SETD1B: variants seen among roughly 807,000 people sequenced by gnomAD.
SETD1B encodes histone-lysine N-methyltransferase SETD1B.
SETD1B carries 7 observed loss-of-function variants against 148.0 expected under a neutral mutation model. That is an observed-to-expected ratio of 0.05 (90% confidence interval 0.03 to 0.09). SETD1B has a LOEUF of 0.09. SETD1B is among the 10% of genes least tolerant of loss of function. The pLI is 1.00. For synonymous variants in SETD1B, 1,361 were observed against 1,186.5 expected (o/e 1.15, Z -3.02); for missense variants, 2,155 against 2,729.9 (o/e 0.79, Z 4.69).
Position 121,810,448 on chromosome 12 carries a change from G to T in SETD1B, c.1503G>T (p.Ser501=), listed in dbSNP as rs962039246. 2 of 1,548,988 alleles carry T rather than the reference G, an allele frequency of 1.3e-6. No individual in the cohort carries two copies. Among genetic ancestry groups the T allele is most frequent in the African/African-American group, 2.7e-5 (2 of 73,046 alleles). ...AGAAACCCCACGACAGCCTGGACTC[G>T]CGCATCGAGATGCTGCTGAAGGAGC... ...GPEKPHDSLD[S]RIEMLLKEQR... is the part of the protein sequence containing the mutation. The change falls in exon 6 of 17, where the codon TCG becomes TCT. Residue 501 remains serine (S), a synonymous_variant. Transcript: ENST00000604567. The surrounding 1 kb of genome is among the most constrained non-coding windows in gnomAD (Gnocchi z 7.6).
chr12:121,815,823 CTTTTTTTTTT>C (rs994063316), intron 7 of SETD1B, among the ~76,000 whole-genome samples: 2 of 118,156 alleles, frequency 1.7e-5, no homozygotes, highest in East Asian at 4.7e-4. Flanking sequence ...TCTTTTCTTT[CTTTTTTTTTT>C]TTTTTTTTTT....
rs375243812 is a variant in SETD1B at position 121,828,043 on chromosome 12, C to T, written c.5700C>T (p.Phe1900=). Residue 1900 remains phenylalanine (F), a synonymous_variant, in exon 16 of 17, where the codon TTC becomes TTT. Coordinates refer to ENST00000604567, the MANE Select transcript of SETD1B (RefSeq NM_001353345.2). ...TIIDATKCGN[F]ARFINHSCNP... is the part of the protein sequence containing the mutation. ...TCGACGCCACCAAGTGCGGCAACTT[C>T]GCGCGCTTCATCAACCACAGCTGCA... The T allele has an allele frequency of 4.6e-5, 71 of 1,552,146 alleles. No individual in the cohort carries two copies. The highest frequency in any genetic ancestry group is 5.8e-5 in the Non-Finnish European group (66 of 1,147,218).
rs527468463 is a variant in SETD1B at position 121,817,009 on chromosome 12, G to A, written c.2716-24G>A. The A allele has an allele frequency of 1.3e-4, 198 of 1,477,268 alleles. No individual in the cohort carries two copies. In the African/African-American group the frequency reaches 2.5e-3, roughly 19 times the overall value. The allele number at this position is 1,477,268 out of a possible 1,614,324, so 91.5% of individuals were successfully genotyped here. A position where few individuals can be genotyped will look rare whatever the true frequency, so the allele number is the denominator to read the frequency against. On this transcript the variant is annotated intron_variant, in intron 7 of 16. Transcript: ENST00000604567. This position sits in a 1 kb window ranked among gnomAD's most constrained non-coding sequence, Gnocchi z 8.1. ...GGTTGGTGGTGCCAGAAGCGGTGAC[G>A]GTCCCCTCCTGTCTCCACCCCAGGC...
chr12:121,811,046 G>T (rs1357223877), intron 6 of SETD1B, among the ~76,000 whole-genome samples: 1 of 152,260 alleles, frequency 6.6e-6, no homozygotes, highest in Non-Finnish European at 1.5e-5. Flanking sequence ...GAGCTCCCTA[G>T]CAGCCGTGGA....
chr12:121,805,857 C>T lies in SETD1B; in HGVS notation c.296C>T (p.Pro99Leu). 6.4e-7 allele frequency: 1 copy of T among 1,551,538 alleles called. No homozygotes were observed. Among genetic ancestry groups the T allele is most frequent in the Non-Finnish European group, 8.7e-7 (1 of 1,146,956 alleles). ...CAGATCGATGAGTTCTACGTGGGCC[C>T]GGTGCCTCCGAAGCAGGTGACATTT... ...KFKIDEFYVG[P>L]VPPKQVTFAK... Residue 99 changes from proline to leucine, a missense_variant, in exon 4 of 17, where the codon CCG (proline) becomes CTG (leucine). This residue lies in a region of SETD1B where 124 missense variants were observed against 282.9 expected (regional missense o/e 0.44). Coordinates refer to ENST00000604567, the MANE Select transcript of SETD1B (RefSeq NM_001353345.2). This position sits in a 1 kb window ranked among gnomAD's most constrained non-coding sequence, Gnocchi z 4.2.
At position 121,810,786 on chromosome 12, in the gene SETD1B, C is replaced by T; in HGVS notation, c.1841C>T (p.Ala614Val). Residue 614 changes from alanine (A) to valine (V), a missense_variant, in exon 6 of 17, where the codon GCC becomes GTC. Physicochemically the swap from Ala to Val is moderately conservative, Grantham distance 64. This residue lies in a region of SETD1B where 295 missense variants were observed against 303.8 expected (regional missense o/e 0.97). Coordinates refer to ENST00000604567, the MANE Select transcript of SETD1B (RefSeq NM_001353345.2). This position sits in a 1 kb window ranked among gnomAD's most constrained non-coding sequence, Gnocchi z 7.6. ...AGLLSQTAEV[A>V]LDLVGDRTPT... ...CTTCTGAGCCAGACAGCTGAGGTGG[C>T]CTTGGACCTGGTTGGAGACAGAACC... 1.3e-6 allele frequency: 2 copies of T among 1,539,020 alleles called. No individual in the cohort carries two copies. Among genetic ancestry groups the T allele is most frequent in the South Asian group, 1.2e-5 (1 of 83,268 alleles).
Position 121,814,387 on chromosome 12 carries a change from A to C in SETD1B, c.2172A>C (p.Thr724=). 1 of 1,146,394 alleles carries C rather than the reference A, an allele frequency of 8.7e-7. No individual in the cohort carries two copies. The highest frequency in any genetic ancestry group is 1.2e-6 in the Non-Finnish European group (1 of 857,280). The allele number at this position is 1,146,394 out of a possible 1,614,324, so 71.0% of individuals were successfully genotyped here. The change falls in exon 7 of 17, where the codon ACA becomes ACC. Residue 724 remains threonine (T), a synonymous_variant. Transcript: ENST00000604567. ...PPPPPAHPAV[T]VPPPPLPAPP... The stretch of plus-strand genomic sequence containing the variant: ...CCCCTCCAGCCCACCCTGCTGTGAC[A>C]GTGCCCCCACCACCCTTGCCAGCGC...
At position 121,817,807 on chromosome 12, in the gene SETD1B, CGAT is replaced by C. The variant is rs1876370684; in HGVS notation, c.3324_3326del (p.Asp1110del). The C allele has an allele frequency of 1.3e-6, 2 of 1,549,708 alleles. No homozygotes were observed. The highest frequency in any genetic ancestry group is 1.7e-6 in the Non-Finnish European group (2 of 1,145,912). On this transcript the variant is annotated inframe_deletion, in exon 10 of 17. Transcript: ENST00000604567. The surrounding 1 kb of genome is among the most constrained non-coding windows in gnomAD (Gnocchi z 8.1). ...TCTTCCTTCTCCCCCAGGATGACGA[CGAT>C]GACGACAGTGATGACCGGGACGAGT...
chr12:121,815,781 G>A lies in SETD1B; in HGVS notation c.2715+851G>A, dbSNP rs183806427. ...TGCCTTTTGGGCTGGGATTATATGC[G>A]TCAGCCACCGCTCCTGGCCTACTTA... On this transcript the variant is annotated intron_variant, in intron 7 of 16. Coordinates refer to ENST00000604567, the MANE Select transcript of SETD1B (RefSeq NM_001353345.2). Among the ~76,000 whole-genome samples the A allele has an allele frequency of 2.6e-3, 397 of 149,916 alleles. 3 individuals carry two copies. Among genetic ancestry groups the A allele is most frequent in the African/African-American group, 9.4e-3 (383 of 40,646 alleles).
Position 121,810,543 on chromosome 12 carries a change from T to TCTC in SETD1B, c.1612_1614dup (p.Ser538dup), listed in dbSNP as rs759214243. On this transcript the variant is annotated inframe_insertion, in exon 6 of 17. Transcript: ENST00000604567. This position sits in a 1 kb window ranked among gnomAD's most constrained non-coding sequence, Gnocchi z 7.6. ...GAGCTGCAGATGGAGGGCAGCCCCA[T>TCTC]CTCCTCCTCCTCCTCCCAGCTCTCC... 8 of 1,546,378 alleles carry TCTC rather than the reference T, an allele frequency of 5.2e-6. No homozygotes were observed. The highest frequency in any genetic ancestry group is 5.2e-6 in the Non-Finnish European group (6 of 1,146,920).
intron 16 of SETD1B, 87 bp downstream of exon 16, chr12:121,828,157 G>A (rs1034589370): frequency 9.0e-5 from 135 of 1,497,956 alleles, no homozygotes; most frequent in Middle Eastern, 1.7e-4. Context: ...GCCCCGGCAC[G>A]GGAATCAGCT....
chr12:121,814,002 C>T (rs987403632), intron 6 of SETD1B, 104 bp from the exon 7 acceptor site: 2 of 940,502 alleles, frequency 2.1e-6, no homozygotes, highest in Non-Finnish European at 1.6e-6. Flanking sequence ...TGCACTGGGT[C>T]ACACAGCTGG....
At position 121,805,978 on chromosome 12, in the gene SETD1B, G is replaced by C; in HGVS notation, c.417G>C (p.Lys139Asn). The part of the protein sequence containing the change: ...VEEVEILYNP[K>N]TKKHLGIAKV... ...AGGTGGAGATTTTGTACAACCCCAA[G>C]ACCAAGAAGCACCTGGGCATCGCCA... The change falls in exon 4 of 17, where the codon AAG becomes AAC. Residue 139 changes from lysine (K) to asparagine (N), a missense_variant. By Grantham distance (94) the Lys-to-Asn change is moderately conservative. Coordinates refer to ENST00000604567, the MANE Select transcript of SETD1B (RefSeq NM_001353345.2). The surrounding 1 kb of genome is among the most constrained non-coding windows in gnomAD (Gnocchi z 4.2). 1.3e-6 allele frequency: 2 copies of C among 1,551,634 alleles called. No individual in the cohort carries two copies. Among genetic ancestry groups the C allele is most frequent in the Non-Finnish European group, 1.7e-6 (2 of 1,146,982 alleles).
chr12:121,814,578 G>T lies in SETD1B; in HGVS notation c.2363G>T (p.Gly788Val). 1 of 1,519,360 alleles carries T rather than the reference G, an allele frequency of 6.6e-7. No individual in the cohort carries two copies. Among genetic ancestry groups the T allele is most frequent in the Non-Finnish European group, 8.9e-7 (1 of 1,128,980 alleles). The allele number at this position is 1,519,360 out of a possible 1,614,324, so 94.1% of individuals were successfully genotyped here. The change falls in exon 7 of 17, where the codon GGC (glycine) becomes GTC (valine). Residue 788 changes from glycine (G) to valine (V), a missense_variant. Around this residue, in one of 11 missense-constraint regions of SETD1B, gnomAD observed 289 missense variants for 423.7 expected, o/e 0.68. Transcript: ENST00000604567. ...CAGGTGCTCAGCCGGCTGATGACGG[G>T]CCAGGGCGCCTGCCCCTACCCGCCC... Reference protein sequence around the residue: ...QTQVLSRLMTGQGACPYPPFM... With the variant: ...QTQVLSRLMTVQGACPYPPFM...
At chr12:121,802,726 G>C (rs1041415998), upstream of SETD1B, 1 of 152,172 alleles carries the variant, frequency 6.6e-6, no homozygotes, top group Non-Finnish European at 1.5e-5. Context: ...AAGTCATAAG[G>C]AAAAATCCAG....
rs1440793109 is a variant in SETD1B, at chr12:121,810,726, C to T, written c.1781C>T (p.Pro594Leu). ...EELDLGLGPR[P>L]PPEPGPPDPA... ...CTCGACCTGGGCCTTGGGCCTCGGC[C>T]TCCACCTGAGCCAGGCCCCCCGGAC... Residue 594 changes from proline to leucine, a missense_variant, in exon 6 of 17, where the codon CCT becomes CTT. Coordinates refer to ENST00000604567, the MANE Select transcript of SETD1B (RefSeq NM_001353345.2). The surrounding 1 kb of genome is among the most constrained non-coding windows in gnomAD (Gnocchi z 7.6). The T allele has an allele frequency of 2.6e-6, 4 of 1,551,330 alleles. No homozygotes were observed. The highest frequency in any genetic ancestry group is 4.9e-5 in the East Asian group (2 of 40,924).
Position 121,822,832 on chromosome 12 carries a change from G to T in SETD1B, c.4253G>T (p.Ser1418Ile). The T allele has an allele frequency of 6.7e-7, 1 of 1,493,164 alleles. No homozygotes were observed. Among genetic ancestry groups the T allele is most frequent in the Non-Finnish European group, 9.0e-7 (1 of 1,115,960 alleles). The allele number at this position is 1,493,164 out of a possible 1,614,324, so 92.5% of individuals were successfully genotyped here. Reference sequence around the variant, plus strand: ...TACCCAGCCCCGTCCCCTAGCTTGAGCAGTGGGGGCCTCCCTCGGACACCT... The same window carrying T: ...TACCCAGCCCCGTCCCCTAGCTTGATCAGTGGGGGCCTCCCTCGGACACCT... ...FSYPAPSPSL[S>I]SGGLPRTPGR... Residue 1418 changes from serine (S) to isoleucine (I), a missense_variant, in exon 12 of 17, where the codon AGC (serine) becomes ATC (isoleucine). Transcript: ENST00000604567.
rs368253599 is a variant in SETD1B, at chr12:121,827,833, C to T, written c.5568C>T (p.Tyr1856=). 6.9e-5 allele frequency: 108 copies of T among 1,560,336 alleles called. 1 individual carries two copies. The East Asian group carries it at 7.7e-4, about 11-fold the overall frequency. Residue 1856 remains tyrosine, a synonymous_variant, in exon 15 of 17, where the codon TAC becomes TAT. Coordinates refer to ENST00000604567, the MANE Select transcript of SETD1B (RefSeq NM_001353345.2). ...CGGCTGACGAGATGGTCATCGAGTA[C>T]GTGGGCCAGAATATCCGTCAGGTAG... ...PIAADEMVIE[Y]VGQNIRQVIA...
upstream of SETD1B, chr12:121,799,535 G>A (rs1361821966): frequency 1.3e-5 from 2 of 152,260 alleles, no homozygotes; most frequent in Non-Finnish European, 2.9e-5. Flanking sequence ...TCAGAAGTAG[G>A]CGGCACCCAG....
Sources: allele counts gnomAD v4.1 joint callset (sites outside exome capture counted in the v4.1 genomes callset), GRCh38; gene constraint gnomAD v4.1.1; regional missense constraint gnomAD v4.1.1; non-coding constraint Gnocchi (gnomAD v3.1); transcripts MANE v1.5; gene names NCBI Gene and HGNC (gene_info 2026-07-23, HGNC 2026-07-21).